Variants in USP10 observed in about 807,000 individuals in gnomAD.
USP10 encodes ubiquitin specific peptidase 10, also known as ubiquitin carboxyl-terminal hydrolase 10.
Under a neutral mutation model 84.5 loss-of-function variants are expected in USP10, and 22 were observed. The observed-to-expected ratio is 0.26, with a 90% confidence interval of 0.19 to 0.37. The LOEUF (loss-of-function observed/expected upper bound fraction) is 0.37. USP10 is among the 10% of genes least tolerant of loss of function. The pLI, the probability that USP10 is intolerant of heterozygous loss-of-function variation, is 1.00. For missense variants in USP10, 1,019 were observed against 998.9 expected (o/e 1.02, Z -0.27); for synonymous variants, 454 against 387.6 (o/e 1.17, Z -2.01).
At chr16:84,768,488 C>T (rs1914096582) in intron 11 of USP10, 130 bp downstream of exon 11, 1 of 899,992 alleles carries the variant, frequency 1.1e-6, no homozygotes, top group Non-Finnish European at 1.5e-6. Context: ...CCATTTTGTA[C>T]TGAAAGTTTT....
intron 1 of USP10, among the ~76,000 whole-genome samples, chr16:84,731,918 T>C (rs1053182181): frequency 6.6e-6 from 1 of 152,220 alleles, no homozygotes; most frequent in African/African-American, 2.4e-5. Context: ...GGTGTAACCT[T>C]CTATATTCTT....
chr16:84,715,377 C>T (rs891785753), intron 1 of USP10, among the ~76,000 whole-genome samples: 7 of 152,162 alleles, frequency 4.6e-5, no homozygotes, highest in Non-Finnish European at 8.8e-5. Flanking sequence ...GGGCACGTTA[C>T]AAGATGTGTA....
chr16:84,759,532 A>G (rs1179269544), intron 6 of USP10, 60 bp downstream of exon 6: 3 of 1,457,058 alleles, frequency 2.1e-6, no homozygotes, highest in Admixed American at 3.4e-5. Context: ...GATAATTAGA[A>G]TTGAAATAGT....
intron 1 of USP10, among the ~76,000 whole-genome samples, chr16:84,714,969 G>T (rs1233976060): frequency 6.9e-6 from 1 of 145,032 alleles, no homozygotes; most frequent in Non-Finnish European, 1.5e-5. Context: ...TTGCTCTGTC[G>T]CCCAGGCTGG....
intron 9 of USP10, among the ~76,000 whole-genome samples, chr16:84,763,874 G>A (rs1913504211): frequency 6.6e-6 from 1 of 151,946 alleles, no homozygotes; most frequent in African/African-American, 2.4e-5. Flanking sequence ...TGCACCTGTT[G>A]CGATTGGTTG....
At chr16:84,735,196 GGTGTGTGTGTGTGTGTGT>G (rs34240400) in intron 2 of USP10, among the ~76,000 whole-genome samples, 1 of 146,264 alleles carries the variant, frequency 6.8e-6, no homozygotes, top group East Asian at 2.0e-4. Context: ...AGGCCCGGGT[GGTGTGTGTGTGTGTGTGT>G]GTGTGTGTGT....
At chr16:84,703,727 C>G (rs1905160343) in intron 1 of USP10, among the ~76,000 whole-genome samples, 1 of 152,048 alleles carries the variant, frequency 6.6e-6, no homozygotes, top group African/African-American at 2.4e-5. Flanking sequence ...CAGTGGTCAC[C>G]TTAGTGGTTT....
intron 1 of USP10, among the ~76,000 whole-genome samples, chr16:84,700,335 G>T (rs1167684128): frequency 6.6e-6 from 1 of 152,080 alleles, no homozygotes; most frequent in Non-Finnish European, 1.5e-5. Flanking sequence ...GGAGGTCGAA[G>T]GGCGGGGGCT....
At chr16:84,710,445 A>C (rs915885867) in intron 1 of USP10, among the ~76,000 whole-genome samples, 1 of 151,972 alleles carries the variant, frequency 6.6e-6, no homozygotes, top group Admixed American at 6.6e-5. Context: ...GAAGTAGGGC[A>C]TTTCTTTTGG....
At position 84,768,372 on chromosome 16, in the gene USP10, T is replaced by C; in HGVS notation, c.1998+14T>C. 1 of 1,564,888 alleles carries C rather than the reference T, an allele frequency of 6.4e-7. No homozygotes were observed. The highest frequency in any genetic ancestry group is 1.2e-5 in the South Asian group (1 of 83,400). On this transcript the variant is annotated intron_variant, in intron 11 of 13. Coordinates refer to ENST00000219473, the MANE Select transcript of USP10 (RefSeq NM_005153.3). Reference sequence around the variant, plus strand: ...ACCAAACAAGAGGTATGTTCACACTTGATTTTGAACCTTTCTACTAAGGTG... The same window carrying C: ...ACCAAACAAGAGGTATGTTCACACTCGATTTTGAACCTTTCTACTAAGGTG...
At chr16:84,710,313 A>G (rs950089201) in intron 1 of USP10, among the ~76,000 whole-genome samples, 1 of 150,968 alleles carries the variant, frequency 6.6e-6, no homozygotes, top group African/African-American at 2.4e-5. Context: ...TTGATTGTGC[A>G]GGGGTCTTAC....
intron 3 of USP10, among the ~76,000 whole-genome samples, chr16:84,743,240 T>G (rs1597348633): frequency 1.3e-5 from 2 of 152,182 alleles, no homozygotes; most frequent in East Asian, 3.8e-4. Context: ...AACTTGCTGT[T>G]AGGTGTAATC....
At chr16:84,733,821 C>G (rs1276273800) in intron 2 of USP10, among the ~76,000 whole-genome samples, 1 of 152,180 alleles carries the variant, frequency 6.6e-6, no homozygotes, top group African/African-American at 2.4e-5. Context: ...CTGGTTTTCA[C>G]CTTTTATCAT....
chr16:84,773,616 G>C (rs1007072640), intron 12 of USP10, among the ~76,000 whole-genome samples: 1 of 152,200 alleles, frequency 6.6e-6, no homozygotes, highest in African/African-American at 2.4e-5. Flanking sequence ...CTGCTGTGCC[G>C]GGTTTAGTGT....
chr16:84,709,165 G>C (rs1233351671), intron 1 of USP10: 5 of 152,244 alleles, frequency 3.3e-5, no homozygotes, highest in Non-Finnish European at 5.9e-5. Flanking sequence ...GGTCCATTGA[G>C]GAAGACAGCT....
rs1168254228 is a variant in USP10, at chr16:84,733,674, A to T, written c.90+171A>T. On this transcript the variant is annotated intron_variant, in intron 2 of 13. Coordinates refer to ENST00000219473, the MANE Select transcript of USP10 (RefSeq NM_005153.3). The stretch of plus-strand genomic sequence containing the variant: ...AGATTTGACTGACATTTGATTTGAC[A>T]TTTTGCTGTATTTACTTTATTAGGC... Among the ~76,000 whole-genome samples, 4 of 152,148 alleles carry T rather than the reference A, an allele frequency of 2.6e-5. No homozygotes were observed. In the East Asian group the frequency reaches 7.7e-4, roughly 29 times the overall value.
At chr16:84,746,811 C>T (rs945989079) in intron 4 of USP10, among the ~76,000 whole-genome samples, 7 of 152,168 alleles carry the variant, frequency 4.6e-5, no homozygotes, top group East Asian at 1.9e-4. Flanking sequence ...AACTTTTTTA[C>T]GTTTTATTTT....
Position 84,758,783 on chromosome 16 carries a change from A to G in USP10, c.1260A>G (p.Lys420=), listed in dbSNP as rs763620944. 4 of 1,613,698 alleles carry G rather than the reference A, an allele frequency of 2.5e-6. No individual in the cohort carries two copies. Among genetic ancestry groups the G allele is most frequent in the Admixed American group, 1.7e-5 (1 of 60,026 alleles). ...VSLQPRGLIN[K]GNWCYINATL... Reference sequence around the variant, plus strand: ...TGCAACCCCGTGGGCTGATCAATAAAGGGAACTGGTGCTACATTAATGCTG... The same window carrying G: ...TGCAACCCCGTGGGCTGATCAATAAGGGGAACTGGTGCTACATTAATGCTG... The change falls in exon 5 of 14, where the codon AAA becomes AAG. Residue 420 remains lysine (K), a synonymous_variant. Coordinates refer to ENST00000219473, the MANE Select transcript of USP10 (RefSeq NM_005153.3).
intron 4 of USP10, among the ~76,000 whole-genome samples, chr16:84,750,540 A>G (rs1434992212): frequency 1.3e-5 from 2 of 152,180 alleles, no homozygotes; most frequent in Non-Finnish European, 2.9e-5. Flanking sequence ...TAGCACAGAT[A>G]CTTTGGAGTT....
Sources: allele counts gnomAD v4.1 joint callset (sites outside exome capture counted in the v4.1 genomes callset), GRCh38; gene constraint gnomAD v4.1.1; transcripts MANE v1.5; gene names NCBI Gene and HGNC (gene_info 2026-07-23, HGNC 2026-07-21).